Variants in NEGR1 observed in about 807,000 individuals in gnomAD.
The protein encoded by NEGR1 is neuronal growth regulator 1.
In NEGR1, 10 loss-of-function variants were observed where a neutral mutation model predicts 40.9. The observed-to-expected ratio is 0.24, with a 90% CI of 0.15 to 0.42. NEGR1 has a LOEUF of 0.42. NEGR1 is among the 10% of genes least tolerant of loss of function. The probability of loss-of-function intolerance (pLI) is 1.00; values close to 1 mark genes in which losing one functional copy is unlikely to be tolerated. For missense variants in NEGR1, 352 were observed against 438.9 expected (o/e 0.80, Z 1.77); for synonymous variants, 185 against 166.8 (o/e 1.11, Z -0.84).
intron 1 of NEGR1, among the ~76,000 whole-genome samples, chr1:72,226,339 C>A (rs1654190050): frequency 6.6e-6 from 1 of 151,922 alleles, no homozygotes; most frequent in South Asian, 2.1e-4. Context: ...AATTAGAAAT[C>A]TTATTCAAAA....
chr1:71,846,312 A>G (rs535229915), intron 2 of NEGR1, among the ~76,000 whole-genome samples: 2 of 152,186 alleles, frequency 1.3e-5, no homozygotes, highest in East Asian at 3.9e-4. Flanking sequence ...ATCTAACTCA[A>G]CAAGAGGTCT....
intron 2 of NEGR1, among the ~76,000 whole-genome samples, chr1:71,845,391 G>C (rs1470737611): frequency 7.9e-5 from 12 of 151,974 alleles, no homozygotes; most frequent in Non-Finnish European, 1.5e-4. Context: ...CTTGAGATGG[G>C]TAGGAGATGG....
At chr1:71,459,366 T>G (rs759002433) in intron 6 of NEGR1, among the ~76,000 whole-genome samples, 8 of 152,216 alleles carry the variant, frequency 5.3e-5, no homozygotes, top group Admixed American at 2.6e-4. Context: ...ACTTTAATTT[T>G]TGTTTTCTCC....
intron 1 of NEGR1, among the ~76,000 whole-genome samples, chr1:72,164,809 A>G (rs1033250698): frequency 1.3e-5 from 2 of 152,054 alleles, no homozygotes; most frequent in East Asian, 3.8e-4. Context: ...TTTTTAAATA[A>G]TGCAGTGGTT....
chr1:72,044,393 A>G (rs1334795865), intron 1 of NEGR1, among the ~76,000 whole-genome samples: 2 of 151,198 alleles, frequency 1.3e-5, no homozygotes, highest in African/African-American at 4.8e-5. Flanking sequence ...AGAAGAAACT[A>G]TTTTTTTCTG....
chr1:72,038,396 C>A (rs1646923253), intron 1 of NEGR1, among the ~76,000 whole-genome samples: 1 of 151,984 alleles, frequency 6.6e-6, no homozygotes, highest in Non-Finnish European at 1.5e-5. Context: ...GTTCATATTT[C>A]TTCCACCATG....
At chr1:72,214,822 T>C (rs1041844645) in intron 1 of NEGR1, among the ~76,000 whole-genome samples, 4 of 150,834 alleles carry the variant, frequency 2.7e-5, no homozygotes, top group Non-Finnish European at 4.4e-5. Context: ...CCCATCAAGC[T>C]ACCATTGAAT....
At chr1:71,876,604 AGAAGGAAGGAAG>A (rs34140557) in intron 2 of NEGR1, among the ~76,000 whole-genome samples, 1 of 150,396 alleles carries the variant, frequency 6.6e-6, no homozygotes, top group Non-Finnish European at 1.5e-5. Context: ...AAGGAAGGAA[AGAAGGAAGGAAG>A]GAAGGAAGGA....
chr1:72,203,686 C>CA (rs1653294210), intron 1 of NEGR1, among the ~76,000 whole-genome samples: 1 of 152,048 alleles, frequency 6.6e-6, no homozygotes, highest in Non-Finnish European at 1.5e-5. Flanking sequence ...CCATCACATG[C>CA]TGTGGAAAAA....
intron 1 of NEGR1, among the ~76,000 whole-genome samples, chr1:72,190,409 A>C (rs2100427531): frequency 6.6e-6 from 1 of 151,728 alleles, no homozygotes; most frequent in East Asian, 1.9e-4. Flanking sequence ...GATAATTGTA[A>C]AATGCATGAA....
intron 4 of NEGR1, among the ~76,000 whole-genome samples, chr1:71,674,880 G>A (rs978152632): frequency 1.9e-4 from 28 of 151,314 alleles, no homozygotes; most frequent in African/African-American, 6.8e-4. Flanking sequence ...ATCTGGCATA[G>A]GATATATTTG....
chr1:71,807,231 A>G (rs1350694491), intron 2 of NEGR1, among the ~76,000 whole-genome samples: 1 of 152,138 alleles, frequency 6.6e-6, no homozygotes, highest in African/African-American at 2.4e-5. Flanking sequence ...ACTGTATGGG[A>G]CATTGTAAGA....
In NEGR1 at chr1:72,171,522, T is replaced by C. The variant is rs560806033; in HGVS notation, c.176+110797A>G. ...CCTTCGGCTGAGATTCTAAGGGCTT[T>C]TGAAGTTTAGTCAAGTTATTTTTCG... On this transcript the variant is annotated intron_variant, in intron 1 of 6. Coordinates refer to ENST00000357731, the MANE Select transcript of NEGR1 (RefSeq NM_173808.3). 5.9e-5 allele frequency among the ~76,000 whole-genome samples: 9 copies of C among 152,312 alleles called. No homozygotes were observed. The East Asian group carries it at 1.7e-3, about 29-fold the overall frequency.
At chr1:71,524,355 T>TGA (rs1553148003) in intron 6 of NEGR1, among the ~76,000 whole-genome samples, 5 of 143,894 alleles carry the variant, frequency 3.5e-5, no homozygotes, top group Admixed American at 1.4e-4. Context: ...TGTGTGTGTG[T>TGA]GATATCAACC....
intron 5 of NEGR1, among the ~76,000 whole-genome samples, chr1:71,601,158 C>A (rs944106013): frequency 4.6e-5 from 7 of 152,086 alleles, no homozygotes; most frequent in Non-Finnish European, 1.0e-4. Flanking sequence ...CCATTTCTTC[C>A]AACTACTCTA....
In NEGR1 at chr1:71,869,229, C is replaced by A. The variant is rs1006689056; in HGVS notation, c.409+65850G>T. On this transcript the variant is annotated intron_variant, in intron 2 of 6. Coordinates refer to ENST00000357731, the MANE Select transcript of NEGR1 (RefSeq NM_173808.3). ...GATGAATAGATTAGAGGAAGGAATT[C>A]TAGATGAAATTAAGTAAATGAGTTA... Among the ~76,000 whole-genome samples the A allele has an allele frequency of 3.3e-5, 5 of 152,160 alleles. No homozygotes were observed. In the South Asian group the frequency reaches 1.0e-3, roughly 32 times the overall value.
chr1:71,675,396 G>A (rs1216830331), intron 4 of NEGR1, among the ~76,000 whole-genome samples: 2 of 151,098 alleles, frequency 1.3e-5, no homozygotes, highest in African/African-American at 4.9e-5. Flanking sequence ...AGCAAGAAGA[G>A]AGAGAAAGGT....
chr1:71,528,584 T>C (rs1284094952), intron 6 of NEGR1, among the ~76,000 whole-genome samples: 1 of 151,274 alleles, frequency 6.6e-6, no homozygotes, highest in Non-Finnish European at 1.5e-5. Context: ...TCTAAGTACA[T>C]GAATCAGATA....
At chr1:71,749,361 C>T (rs944452667) in intron 3 of NEGR1, among the ~76,000 whole-genome samples, 3 of 152,128 alleles carry the variant, frequency 2.0e-5, no homozygotes, top group African/African-American at 4.8e-5. Context: ...TTTCACTTAA[C>T]TTACCTAAAC....
Sources: allele counts gnomAD v4.1 joint callset (sites outside exome capture counted in the v4.1 genomes callset), GRCh38; gene constraint gnomAD v4.1.1; transcripts MANE v1.5; gene names NCBI Gene and HGNC (gene_info 2026-07-23, HGNC 2026-07-21).